Variants in MCF2L2 observed in about 807,000 individuals in gnomAD.
The protein encoded by MCF2L2 is probable guanine nucleotide exchange factor MCF2L2.
In MCF2L2, 102 loss-of-function variants were observed where a neutral mutation model predicts 150.2. That is an observed-to-expected ratio of 0.68 (90% CI 0.58 to 0.80). The LOEUF (loss-of-function observed/expected upper bound fraction) is 0.80. Among genes scored for constraint, MCF2L2 ranks in the 30% least tolerant of loss-of-function variants. The pLI is 0.00. For synonymous variants in MCF2L2, 465 were observed against 491.3 expected, an observed-to-expected ratio of 0.95 and a Z score of 0.71; for missense variants, 1,256 against 1,372.8, an observed-to-expected ratio of 0.91 and a Z score of 1.34.
At chr3:183,246,285 C>T (rs1724251563) in intron 15 of MCF2L2, among the ~76,000 whole-genome samples, 1 of 152,114 alleles carries the variant, frequency 6.6e-6, no homozygotes, top group Admixed American at 6.5e-5. Flanking sequence ...TCACCACTAG[C>T]CATTTCCAGA....
intron 2 of MCF2L2, among the ~76,000 whole-genome samples, chr3:183,382,181 A>C (rs192030630): frequency 1.2e-3 from 184 of 152,032 alleles, no homozygotes; most frequent in Non-Finnish European, 2.2e-3. Context: ...GCCTCAGCCT[A>C]CCGAGTAGCT....
chr3:183,401,857 C>A (rs1038360136), intron 1 of MCF2L2, among the ~76,000 whole-genome samples: 1 of 152,196 alleles, frequency 6.6e-6, no homozygotes, highest in Non-Finnish European at 1.5e-5. Context: ...TCTTCCCCAA[C>A]TTGGGCTGTT....
intron 13 of MCF2L2, among the ~76,000 whole-genome samples, chr3:183,291,820 A>G (rs903541352): frequency 6.6e-6 from 1 of 152,246 alleles, no homozygotes; most frequent in African/African-American, 2.4e-5. Context: ...TTATTCTGGG[A>G]AGGAGTGTTA....
intron 11 of MCF2L2, chr3:183,298,140 C>T (rs1398979278): frequency 6.6e-6 from 1 of 152,150 alleles, no homozygotes; most frequent in Non-Finnish European, 1.5e-5. Context: ...TTTCTGGATG[C>T]TGGGAGGACA....
intron 18 of MCF2L2, 80 bp from the exon 19 acceptor site, chr3:183,224,270 A>G (rs1723265442): frequency 1.1e-6 from 1 of 902,902 alleles, no homozygotes; most frequent in African/African-American, 1.6e-5. Context: ...TTATTCATTC[A>G]TTCAACAAGC....
chr3:183,389,779 T>A lies in MCF2L2; in HGVS notation c.77A>T (p.Asp26Val). Reference sequence around the variant, plus strand: ...TCTGACTTCCTGCTGCATAATTTCATCTGCACAAATGAAATACAAAGTGGG... The same window carrying A: ...TCTGACTTCCTGCTGCATAATTTCAACTGCACAAATGAAATACAAAGTGGG... ...RRLATVITHVDEIMQQEVRPL... is the reference protein window; with the variant it reads ...RRLATVITHVVEIMQQEVRPL... The change falls in exon 2 of 30, where the codon GAT becomes GTT. Residue 26 changes from aspartate (D) to valine (V), a missense_variant and splice_region_variant. Transcript: ENST00000328913. 6.2e-7 allele frequency: 1 copy of A among 1,612,822 alleles called. No homozygotes were observed. Among genetic ancestry groups the A allele is most frequent in the Non-Finnish European group, 8.5e-7 (1 of 1,178,796 alleles).
At chr3:183,231,726 TG>T (rs1001023119) in intron 15 of MCF2L2, among the ~76,000 whole-genome samples, 6 of 152,008 alleles carry the variant, frequency 3.9e-5, no homozygotes, top group Admixed American at 3.3e-4. Context: ...CCCAAACTGC[TG>T]GGATTATAGG....
intron 10 of MCF2L2, among the ~76,000 whole-genome samples, chr3:183,301,961 A>G (rs538075974): frequency 4.1e-4 from 62 of 152,298 alleles, no homozygotes; most frequent in African/African-American, 1.4e-3. Context: ...TTGTGCAAAC[A>G]GTATGGTTTA....
chr3:183,199,235 T>C (rs191610443), intron 25 of MCF2L2, among the ~76,000 whole-genome samples: 1 of 152,332 alleles, frequency 6.6e-6, no homozygotes, highest in East Asian at 1.9e-4. Context: ...ATTCCTGCTA[T>C]CTCTAAAGAA....
rs185851087 is a variant in MCF2L2 at position 183,230,905 on chromosome 3, G to A, written c.1929+46C>T. On this transcript the variant is annotated intron_variant, in intron 16 of 29. Transcript: ENST00000328913. ...AGTCTCTTTGTACAACAAAACATCTGCAGTTTGAATATATGCTTGATACCC... is the reference window on the plus strand; with the variant it reads ...AGTCTCTTTGTACAACAAAACATCTACAGTTTGAATATATGCTTGATACCC... The A allele has an allele frequency of 4.1e-5, 58 of 1,405,586 alleles. 1 individual carries two copies. In the African/African-American group the frequency reaches 7.5e-4, roughly 18 times the overall value. 87.1% of individuals were successfully genotyped at this position (1,405,586 alleles called of 1,614,324 possible). A position where few individuals can be genotyped will look rare whatever the true frequency, so the allele number is the denominator to read the frequency against.
chr3:183,325,083 C>T (rs1317634604), intron 5 of MCF2L2, among the ~76,000 whole-genome samples: 5 of 120,372 alleles, frequency 4.2e-5, no homozygotes, highest in African/African-American at 1.3e-4. Context: ...CACATGGACA[C>T]GGGAAGGGGA....
At chr3:183,191,346 T>G (rs1201062322) in intron 27 of MCF2L2, among the ~76,000 whole-genome samples, 1 of 152,186 alleles carries the variant, frequency 6.6e-6, no homozygotes, top group East Asian at 1.9e-4. Flanking sequence ...TATATCATAT[T>G]CACCCAAAGT....
intron 15 of MCF2L2, chr3:183,253,493 G>T (rs1724702681): frequency 6.6e-6 from 1 of 151,898 alleles, no homozygotes; most frequent in Non-Finnish European, 1.5e-5. Flanking sequence ...TGGGAAGCTG[G>T]CCTGGGGCGG....
intron 3 of MCF2L2, chr3:183,373,324 T>C (rs1192655512): frequency 3.3e-5 from 5 of 152,236 alleles, no homozygotes; most frequent in Admixed American, 6.5e-5. Flanking sequence ...TGTAATTCAA[T>C]AGTTCCTTAT....
At chr3:183,333,701 TAGGA>T (rs1352286889) in intron 5 of MCF2L2, among the ~76,000 whole-genome samples, 1 of 152,192 alleles carries the variant, frequency 6.6e-6, no homozygotes, top group African/African-American at 2.4e-5. Context: ...TTGTGATTTC[TAGGA>T]TATTTGTAAT....
intron 27 of MCF2L2, 39 bp from the exon 28 acceptor site, chr3:183,180,198 T>G (rs1392309263): frequency 2.3e-5 from 31 of 1,321,536 alleles, no homozygotes; most frequent in Non-Finnish European, 3.4e-5. Context: ...CTCTGTGGGG[T>G]GGGAGGACAT....
intron 15 of MCF2L2, among the ~76,000 whole-genome samples, chr3:183,251,585 A>G (rs892915248): frequency 2.0e-5 from 3 of 152,208 alleles, no homozygotes; most frequent in African/African-American, 7.2e-5. Context: ...GGATAAGGAA[A>G]GCATGCCAAC....
intron 5 of MCF2L2, among the ~76,000 whole-genome samples, chr3:183,335,570 G>A (rs1436821007): frequency 6.6e-6 from 1 of 152,030 alleles, no homozygotes; most frequent in East Asian, 1.9e-4. Context: ...AACACCCTTA[G>A]AAAAGGCTTG....
rs901123276 is a variant in MCF2L2, at chr3:183,347,358, G to T, written c.276-5728C>A. On this transcript the variant is annotated intron_variant, in intron 3 of 29. Transcript: ENST00000328913. ...TGGGAAAACTAGCTAGCCATATGCA[G>T]AAAACTGAAACTGGACCCCTTCCTT... Among the ~76,000 whole-genome samples, 5 of 152,314 alleles carry T rather than the reference G, an allele frequency of 3.3e-5. No individual in the cohort carries two copies. The South Asian group carries it at 1.0e-3, about 32-fold the overall frequency.
Sources: allele counts gnomAD v4.1 joint callset (sites outside exome capture counted in the v4.1 genomes callset), GRCh38; gene constraint gnomAD v4.1.1; transcripts MANE v1.5; gene names NCBI Gene and HGNC (gene_info 2026-07-23, HGNC 2026-07-21).